The following CCDC178 variants were observed in gnomAD, a reference collection of about 807,000 sequenced individuals.
The protein encoded by CCDC178 is coiled-coil domain-containing protein 178.
In CCDC178, 126 loss-of-function variants were observed where a neutral mutation model predicts 117.4. The ratio of observed to expected loss-of-function variants is 1.07; its 90% CI spans 0.93 to 1.24. CCDC178 has a LOEUF of 1.24. Ranked by LOEUF, CCDC178 falls within the 50% of genes most tolerant of loss-of-function variation. The pLI, the probability that CCDC178 is intolerant of heterozygous loss-of-function variation, is 0.00. For missense variants in CCDC178, 1,030 were observed against 986.9 expected (o/e 1.04, Z -0.59); for synonymous variants, 283 against 313.4 (o/e 0.90, Z 1.02).
intron 21 of CCDC178, among the ~76,000 whole-genome samples, chr18:32,998,196 C>T (rs1355654020): frequency 3.9e-5 from 6 of 152,128 alleles, no homozygotes; most frequent in Non-Finnish European, 5.9e-5. Context: ...TGGGACTTTG[C>T]GTTGGAAGTC....
intron 21 of CCDC178, among the ~76,000 whole-genome samples, chr18:33,036,520 T>C (rs2056447786): frequency 6.6e-6 from 1 of 151,794 alleles, no homozygotes; most frequent in Non-Finnish European, 1.5e-5. Context: ...AGCAAAATGG[T>C]ATTTGCACTG....
rs150595061 is a variant in CCDC178 at position 33,107,625 on chromosome 18, A to G, written c.2239-14715T>C. Among the ~76,000 whole-genome samples the G allele has an allele frequency of 4.0e-3, 614 of 151,778 alleles. 5 individuals are homozygous for G. Among genetic ancestry groups the G allele is most frequent in the African/African-American group, 0.014 (576 of 41,498 alleles). On this transcript the variant is annotated intron_variant, in intron 20 of 22. Transcript: ENST00000383096. Reference sequence around the variant, plus strand: ...ATCTGTCCCTGTAATACAATTTTACATGCCTAATTTTCTTTCCAGTTTTTC... The same window carrying G: ...ATCTGTCCCTGTAATACAATTTTACGTGCCTAATTTTCTTTCCAGTTTTTC...
At chr18:33,037,791 A>T (rs538345128) in intron 21 of CCDC178, among the ~76,000 whole-genome samples, 3 of 152,092 alleles carry the variant, frequency 2.0e-5, no homozygotes, top group African/African-American at 4.8e-5. Context: ...CATTCATAAA[A>T]CTATGAGTGA....
chr18:32,980,519 G>A (rs988162021), intron 21 of CCDC178, among the ~76,000 whole-genome samples: 1 of 147,952 alleles, frequency 6.8e-6, no homozygotes, highest in Non-Finnish European at 1.5e-5. Context: ...TGCAGTGAGC[G>A]GAGATCGCGC....
intron 20 of CCDC178, among the ~76,000 whole-genome samples, chr18:33,164,888 C>G (rs1331882602): frequency 6.6e-6 from 1 of 152,242 alleles, no homozygotes; most frequent in Non-Finnish European, 1.5e-5. Context: ...GAAGTCATAT[C>G]AATAAACCTT....
intron 21 of CCDC178, among the ~76,000 whole-genome samples, chr18:32,987,403 C>A (rs1309167831): frequency 6.6e-6 from 1 of 151,766 alleles, no homozygotes; most frequent in Non-Finnish European, 1.5e-5. Context: ...TTACTCATAT[C>A]CATATATATA....
intron 20 of CCDC178, among the ~76,000 whole-genome samples, chr18:33,127,356 A>G (rs1163162490): frequency 6.6e-6 from 1 of 152,160 alleles, no homozygotes; most frequent in Non-Finnish European, 1.5e-5. Context: ...AGTTCAGACT[A>G]CATTTCTAGA....
intron 5 of CCDC178, among the ~76,000 whole-genome samples, chr18:33,388,240 A>G (rs2063520842): frequency 6.6e-6 from 1 of 152,112 alleles, no homozygotes; most frequent in Non-Finnish European, 1.5e-5. Context: ...TTGCAGAGAA[A>G]TAATTCTTTT....
chr18:32,990,404 G>A (rs545068719), intron 21 of CCDC178, among the ~76,000 whole-genome samples: 1 of 152,144 alleles, frequency 6.6e-6, no homozygotes, highest in Admixed American at 6.5e-5. Flanking sequence ...TATAAGAATA[G>A]ACGTAGTAAT....
intron 20 of CCDC178, among the ~76,000 whole-genome samples, chr18:33,183,328 T>A (rs1304334310): frequency 6.6e-6 from 1 of 151,852 alleles, no homozygotes; most frequent in East Asian, 1.9e-4. Flanking sequence ...TGCCTTTTCT[T>A]GTTTTGAACT....
chr18:33,330,645 C>G (rs891591437), intron 10 of CCDC178, among the ~76,000 whole-genome samples: 36 of 152,016 alleles, frequency 2.4e-4, no homozygotes, highest in African/African-American at 8.5e-4. Flanking sequence ...GAGAGAGAGA[C>G]TGATTTTAAG....
At chr18:33,091,514 T>C (rs271470) in intron 21 of CCDC178, among the ~76,000 whole-genome samples, 14,003 of 151,778 alleles carry the variant, frequency 0.092, 909 homozygotes, top group African/African-American at 0.18. Flanking sequence ...TTTTTGTATT[T>C]TTAGTGGAGG....
chr18:33,346,990 GA>G (rs1485650692), intron 8 of CCDC178, among the ~76,000 whole-genome samples: 1 of 152,112 alleles, frequency 6.6e-6, no homozygotes, highest in Non-Finnish European at 1.5e-5. Flanking sequence ...CACAGTTCTG[GA>G]ATGATGCGGC....
intron 6 of CCDC178, among the ~76,000 whole-genome samples, chr18:33,359,904 T>C (rs2063103079): frequency 6.6e-6 from 1 of 151,272 alleles, no homozygotes; most frequent in South Asian, 2.1e-4. Context: ...ATCTAACATT[T>C]CCATTGACCT....
At chr18:33,399,855 C>T (rs545162702) in intron 3 of CCDC178, among the ~76,000 whole-genome samples, 3 of 152,148 alleles carry the variant, frequency 2.0e-5, no homozygotes, top group African/African-American at 7.2e-5. Context: ...CACATGTACA[C>T]TTTCCTCAAG....
In CCDC178 at chr18:33,026,325, C is replaced by A. The variant is rs746242795; in HGVS notation, c.2389-51644G>T. Among the ~76,000 whole-genome samples, 47 of 152,062 alleles carry A rather than the reference C, an allele frequency of 3.1e-4. No homozygotes were observed. The South Asian group carries it at 6.6e-3, about 21-fold the overall frequency. On this transcript the variant is annotated intron_variant, in intron 21 of 22. Transcript: ENST00000383096. ...ATCAATATCTGGTTGTGATATTGCT[C>A]TATAGTTTTGCAAGATGTTACCATT...
intron 21 of CCDC178, among the ~76,000 whole-genome samples, chr18:33,051,282 A>C (rs1240665407): frequency 2.0e-5 from 3 of 152,050 alleles, no homozygotes; most frequent in African/African-American, 7.2e-5. Flanking sequence ...AGTGTAGATA[A>C]GTATCAACAC....
At chr18:33,077,243 C>T (rs770508954) in intron 21 of CCDC178, among the ~76,000 whole-genome samples, 3 of 152,108 alleles carry the variant, frequency 2.0e-5, no homozygotes, top group South Asian at 2.1e-4. Context: ...CCAGGGGACT[C>T]GGTTTGACTG....
chr18:33,387,558 A>G (rs2063510566), intron 5 of CCDC178, among the ~76,000 whole-genome samples: 1 of 152,202 alleles, frequency 6.6e-6, no homozygotes, highest in Non-Finnish European at 1.5e-5. Context: ...AGAAAACCGC[A>G]CATCTACAAC....
Sources: gnomAD v4.1 joint callset for allele counts (sites outside exome capture counted in the v4.1 genomes callset) on GRCh38, gnomAD v4.1.1 for gene constraint, MANE v1.5 for transcripts, NCBI Gene and HGNC (gene_info 2026-07-23, HGNC 2026-07-21) for gene names.